The following HSD17B7 variants were observed in gnomAD, a reference collection of about 807,000 sequenced individuals.
The protein encoded by HSD17B7 is hydroxysteroid 17-beta dehydrogenase 7.
A neutral mutation model predicts 34.1 loss-of-function variants in HSD17B7; 17 were observed. The ratio of observed to expected loss-of-function variants is 0.50; its 90% confidence interval spans 0.34 to 0.75. HSD17B7 has a LOEUF of 0.75. Ranked by LOEUF, HSD17B7 falls within the 30% of genes least tolerant of loss-of-function variation. The probability of loss-of-function intolerance (pLI) is 0.01; values close to 1 mark genes in which losing one functional copy is unlikely to be tolerated. For missense variants in HSD17B7, 296 were observed against 406.6 expected (o/e 0.73, Z 2.34); for synonymous variants, 122 against 154.6 (o/e 0.79, Z 1.56).
Position 162,804,884 on chromosome 1 carries a change from C to T in HSD17B7, c.805-510C>T, listed in dbSNP as rs182188885. 1.7e-3 allele frequency among the ~76,000 whole-genome samples: 265 copies of T among 152,318 alleles called. 1 individual carries two copies. Among genetic ancestry groups the T allele is most frequent in the South Asian group, 0.011 (52 of 4,828 alleles). On this transcript the variant is annotated intron_variant, in intron 7 of 8. Coordinates refer to ENST00000254521, the MANE Select transcript of HSD17B7 (RefSeq NM_016371.4). ...ATAATACTCCTTTCTGCTATACACA[C>T]GTGATGTCTCTGAATATTCTTCAAC...
intron 4 of HSD17B7, 57 bp downstream of exon 4, chr1:162,797,973 T>C (rs1453546057): frequency 6.3e-7 from 1 of 1,592,178 alleles, no homozygotes; most frequent in Non-Finnish European, 8.6e-7. Context: ...TCTGTAAAGC[T>C]CTGGGCACAG....
intron 8 of HSD17B7, among the ~76,000 whole-genome samples, chr1:162,806,351 C>G (rs569752972): frequency 6.6e-6 from 1 of 152,230 alleles, no homozygotes; most frequent in Non-Finnish European, 1.5e-5. Context: ...AAAAGGGGAG[C>G]CATGCACTTG....
chr1:162,804,281 A>G lies in HSD17B7; in HGVS notation c.762A>G (p.Ala254=), dbSNP rs781709499. 2 of 1,609,698 alleles carry G rather than the reference A, an allele frequency of 1.2e-6. No homozygotes were observed. The highest frequency in any genetic ancestry group is 1.7e-6 in the Non-Finnish European group (2 of 1,178,040). The change falls in exon 7 of 9, where the codon GCA becomes GCG. Residue 254 remains alanine (A), a synonymous_variant. Coordinates refer to ENST00000254521, the MANE Select transcript of HSD17B7 (RefSeq NM_016371.4). ...CTTTTCCGCAGCTTCGCTTTTTTGCAAATGCATTCACTTTGACACCATATA... is the reference window on the plus strand; with the variant it reads ...CTTTTCCGCAGCTTCGCTTTTTTGCGAATGCATTCACTTTGACACCATATA... ...MPAILLLRFF[A]NAFTLTPYNG...
chr1:162,808,764 CT>C (rs528011254), intron 8 of HSD17B7, among the ~76,000 whole-genome samples: 1,846 of 152,204 alleles, frequency 0.012, 27 homozygotes, highest in African/African-American at 0.042. Flanking sequence ...ATTTGGCTCT[CT>C]GTTTGTCTGT....
At chr1:162,809,612 G>T (rs1213290143) in intron 8 of HSD17B7, among the ~76,000 whole-genome samples, 1 of 151,876 alleles carries the variant, frequency 6.6e-6, no homozygotes, top group Non-Finnish European at 1.5e-5. Flanking sequence ...TTTTTTGGTT[G>T]GTAGGCTATT....
intron 5 of HSD17B7, 199 bp from the exon 6 acceptor site, chr1:162,803,232 G>C (rs917322149): frequency 2.6e-5 from 11 of 417,410 alleles, no homozygotes; most frequent in Non-Finnish European, 4.6e-5. Flanking sequence ...CATCCTGGGT[G>C]CCTCTCACAG....
chr1:162,804,981 C>G (rs986026342), intron 7 of HSD17B7, among the ~76,000 whole-genome samples: 56 of 152,236 alleles, frequency 3.7e-4, no homozygotes, highest in Non-Finnish European at 6.6e-4. Flanking sequence ...GTATCTGAGT[C>G]AGTCCTTTAC....
At chr1:162,811,263 G>A (rs1380594532) in intron 8 of HSD17B7, among the ~76,000 whole-genome samples, 3 of 152,346 alleles carry the variant, frequency 2.0e-5, no homozygotes, top group Admixed American at 6.5e-5. Context: ...CTTTAAGAAT[G>A]TTGAATATCG....
chr1:162,801,127 G>A (rs1648801153), intron 5 of HSD17B7, among the ~76,000 whole-genome samples: 1 of 152,098 alleles, frequency 6.6e-6, no homozygotes, highest in African/African-American at 2.4e-5. Flanking sequence ...TTACAGGGAT[G>A]TGCCACCACA....
chr1:162,809,899 G>C (rs1034310181), intron 8 of HSD17B7, among the ~76,000 whole-genome samples: 1 of 151,984 alleles, frequency 6.6e-6, no homozygotes, highest in African/African-American at 2.4e-5. Flanking sequence ...CAAAAAACCA[G>C]CTCCTGGATT....
At chr1:162,802,470 AG>A (rs1004148368) in intron 5 of HSD17B7, among the ~76,000 whole-genome samples, 2 of 152,080 alleles carry the variant, frequency 1.3e-5, no homozygotes, top group Admixed American at 6.6e-5. Context: ...TGGTAAATCA[AG>A]GGGATTCTCA....
chr1:162,809,785 G>A (rs1190903512), intron 8 of HSD17B7, among the ~76,000 whole-genome samples: 2 of 149,672 alleles, frequency 1.3e-5, no homozygotes, highest in East Asian at 2.0e-4. Flanking sequence ...AGATGGGATC[G>A]GTGGTGATAT....
intron 8 of HSD17B7, among the ~76,000 whole-genome samples, chr1:162,806,789 T>A (rs1338997465): frequency 2.0e-5 from 3 of 152,222 alleles, no homozygotes; most frequent in Non-Finnish European, 4.4e-5. Context: ...CAAACTGACA[T>A]ACTCATTAGC....
intron 2 of HSD17B7, among the ~76,000 whole-genome samples, chr1:162,794,286 A>G (rs928343331): frequency 6.6e-6 from 1 of 152,168 alleles, no homozygotes; most frequent in Non-Finnish European, 1.5e-5. Context: ...GCTGAATAAA[A>G]ATACTTCACA....
chr1:162,808,046 C>T (rs1458401173), intron 8 of HSD17B7, among the ~76,000 whole-genome samples: 1 of 152,106 alleles, frequency 6.6e-6, no homozygotes, highest in African/African-American at 2.4e-5. Context: ...CTTGCCCATG[C>T]CTATGTCCTG....
chr1:162,803,915 C>G (rs1014572761), intron 6 of HSD17B7, among the ~76,000 whole-genome samples: 3 of 152,168 alleles, frequency 2.0e-5, no homozygotes, highest in Admixed American at 6.5e-5. Context: ...ACTATACAAC[C>G]ATATTTTTGT....
At chr1:162,793,815 G>A (rs1280793599) in intron 2 of HSD17B7, among the ~76,000 whole-genome samples, 1 of 152,134 alleles carries the variant, frequency 6.6e-6, no homozygotes, top group Non-Finnish European at 1.5e-5. Context: ...AATATGCCTG[G>A]GAAGGTCATC....
Position 162,805,386 on chromosome 1 carries a change from C to T in HSD17B7, c.805-8C>T. The T allele has an allele frequency of 6.2e-7, 1 of 1,612,474 alleles. No homozygotes were observed. Among genetic ancestry groups the T allele is most frequent in the Non-Finnish European group, 8.5e-7 (1 of 1,179,028 alleles). On this transcript the variant is annotated splice_polypyrimidine_tract_variant and splice_region_variant and intron_variant, in intron 7 of 8. Coordinates refer to ENST00000254521, the MANE Select transcript of HSD17B7 (RefSeq NM_016371.4). ...GAAACAAATCATTGACACATCCTTC[C>T]TTTCCAGGTATGGCTTTTCCACCAA...
At chr1:162,791,429 C>A (rs1324195727) in intron 1 of HSD17B7, among the ~76,000 whole-genome samples, 1 of 128,884 alleles carries the variant, frequency 7.8e-6, no homozygotes, top group Admixed American at 8.3e-5. Context: ...AGTCTCTCAG[C>A]CTCTTCTGTT....
Sources: allele counts gnomAD v4.1 joint callset (sites outside exome capture counted in the v4.1 genomes callset), GRCh38; gene constraint gnomAD v4.1.1; transcripts MANE v1.5; gene names NCBI Gene and HGNC (gene_info 2026-07-23, HGNC 2026-07-21).